VAV2: variants seen among roughly 807,000 people sequenced by gnomAD.
VAV2 encodes vav guanine nucleotide exchange factor 2.
A neutral mutation model predicts 132.5 loss-of-function variants in VAV2; 67 were observed. The observed-to-expected ratio is 0.51, with a 90% confidence interval of 0.42 to 0.62. The LOEUF (loss-of-function observed/expected upper bound fraction) is 0.62. VAV2 is among the 20% of genes least tolerant of loss of function. VAV2 has a pLI of 0.00. For synonymous variants in VAV2, 492 were observed against 443.5 expected, an observed-to-expected ratio of 1.11 and a Z score of -1.37; for missense variants, 938 against 1,153.6, an observed-to-expected ratio of 0.81 and a Z score of 2.71.
At chr9:133,795,828 C>A (rs2131634511) in intron 11 of VAV2, 92 bp from the exon 12 acceptor site, 1 of 1,432,056 alleles carries the variant, frequency 7.0e-7, no homozygotes, top group South Asian at 1.2e-5. Flanking sequence ...TGCACAGAAC[C>A]AAGTCCTCAG....
At chr9:133,890,793 T>C (rs961288736) in intron 2 of VAV2, among the ~76,000 whole-genome samples, 3 of 152,002 alleles carry the variant, frequency 2.0e-5, no homozygotes, top group Admixed American at 6.6e-5. Flanking sequence ...AGCACTTAGG[T>C]GGAAGCCGCA....
chr9:133,919,809 TGCCC>T lies in VAV2; in HGVS notation c.321+19290_321+19293del, dbSNP rs905220202. ...GACATGGAAGATGGAAGGTCCCCGCTGCCCCGACTGTCCCTGCCGCCCCGGCCAC... is the reference window on the plus strand; with the variant it reads ...GACATGGAAGATGGAAGGTCCCCGCTCGACTGTCCCTGCCGCCCCGGCCAC... On this transcript the variant is annotated intron_variant, in intron 2 of 29. Transcript: ENST00000371850. This position sits in a 1 kb window ranked among gnomAD's most constrained non-coding sequence, Gnocchi z 5.8. 2.9e-4 allele frequency among the ~76,000 whole-genome samples: 44 copies of T among 152,206 alleles called. No homozygotes were observed. The highest frequency in any genetic ancestry group is 9.9e-4 in the African/African-American group (41 of 41,546).
intron 2 of VAV2, among the ~76,000 whole-genome samples, chr9:133,894,941 A>G (rs935158823): frequency 7.9e-5 from 12 of 152,212 alleles, no homozygotes; most frequent in Admixed American, 2.0e-4. Flanking sequence ...CAGGCGGAAC[A>G]CAGAGCCCTG....
At position 133,797,921 on chromosome 9, in the gene VAV2, C is replaced by T. The variant is rs572817854; in HGVS notation, c.837-112G>A. 7 of 854,218 alleles carry T rather than the reference C, an allele frequency of 8.2e-6. No individual in the cohort carries two copies. In the East Asian group the frequency reaches 1.7e-4, roughly 21 times the overall value. 52.9% of individuals were successfully genotyped at this position (854,218 alleles called of 1,614,324 possible). On this transcript the variant is annotated intron_variant, in intron 9 of 29. Coordinates refer to ENST00000371850, the MANE Select transcript of VAV2 (RefSeq NM_001134398.2). ...GCTGTAGGTGCGCAACCAACAGGCC[C>T]CTCCCCTGACAGCTCCCTGCACGTG...
At chr9:133,951,605 C>T (rs952116041) in intron 1 of VAV2, among the ~76,000 whole-genome samples, 1 of 152,120 alleles carries the variant, frequency 6.6e-6, no homozygotes, top group African/African-American at 2.4e-5. Context: ...CCCCCGGGAC[C>T]TGCCCTTCAC....
intron 4 of VAV2, among the ~76,000 whole-genome samples, chr9:133,825,892 C>T (rs1835970196): frequency 2.0e-5 from 3 of 152,248 alleles, no homozygotes; most frequent in Admixed American, 1.3e-4. Context: ...ACACCAGAAA[C>T]TCCTTCTACA....
intron 4 of VAV2, among the ~76,000 whole-genome samples, chr9:133,827,955 G>A (rs867246379): frequency 9.5e-3 from 2 of 210 alleles, no homozygotes; most frequent in African/African-American, 0.033. Flanking sequence ...GCGCCCACTG[G>A]GGCTGACCAC....
At chr9:133,910,576 T>A (rs1223066062) in intron 2 of VAV2, among the ~76,000 whole-genome samples, 3 of 150,712 alleles carry the variant, frequency 2.0e-5, no homozygotes, top group Non-Finnish European at 4.4e-5. Flanking sequence ...TTTGGGAGGC[T>A]GAGGCCGGCG....
rs150066782 is a variant in VAV2, at chr9:133,981,444, C to T, written c.204+10631G>A. ...CAGGAAGAGAGCCACTCCCTCAGGC[C>T]GCCCGCTGCACTCTGCTCTGATGCT... On this transcript the variant is annotated intron_variant, in intron 1 of 29. Transcript: ENST00000371850. Among the ~76,000 whole-genome samples, 259 of 152,312 alleles carry T rather than the reference C, an allele frequency of 1.7e-3. 1 individual carries two copies. The highest frequency in any genetic ancestry group is 6.1e-3 in the African/African-American group (253 of 41,580).
intron 1 of VAV2, among the ~76,000 whole-genome samples, chr9:133,942,370 T>C (rs1312041436): frequency 1.3e-5 from 2 of 152,182 alleles, no homozygotes; most frequent in African/African-American, 2.4e-5. Flanking sequence ...CCACACACAA[T>C]TGATTCAGGC....
At chr9:133,967,388 C>G (rs1431742465) in intron 1 of VAV2, among the ~76,000 whole-genome samples, 1 of 152,158 alleles carries the variant, frequency 6.6e-6, no homozygotes, top group African/African-American at 2.4e-5. Flanking sequence ...CCTGATCCAG[C>G]AATCCTACCA....
chr9:133,899,687 T>G (rs61658775), intron 2 of VAV2, among the ~76,000 whole-genome samples: 35,097 of 144,788 alleles, frequency 0.24, 4,437 homozygotes, highest in African/African-American at 0.32. Context: ...TGGGATTACA[T>G]GCATGAGCCA....
At chr9:133,895,921 C>A (rs1839181323) in intron 2 of VAV2, among the ~76,000 whole-genome samples, 1 of 148,290 alleles carries the variant, frequency 6.7e-6, no homozygotes, top group Admixed American at 6.7e-5. Context: ...GGCAGCCACA[C>A]TAAAATCTTT....
At chr9:133,865,475 G>A (rs1394360104) in intron 2 of VAV2, among the ~76,000 whole-genome samples, 5 of 151,302 alleles carry the variant, frequency 3.3e-5, no homozygotes, top group Admixed American at 1.3e-4. Flanking sequence ...TTCTCCCTTC[G>A]GCTCCACCTA....
chr9:133,871,196 A>C (rs1391955957), intron 2 of VAV2, among the ~76,000 whole-genome samples: 2 of 143,614 alleles, frequency 1.4e-5, no homozygotes, highest in Admixed American at 6.9e-5. Context: ...GGATGAATGG[A>C]TGGCTGGCTG....
chr9:133,838,929 G>A (rs1296880303), intron 3 of VAV2, among the ~76,000 whole-genome samples: 4 of 123,574 alleles, frequency 3.2e-5, no homozygotes, highest in African/African-American at 1.2e-4. Flanking sequence ...ATGGGTGGGT[G>A]GATGAATGGA....
In VAV2 at chr9:133,967,918, G is replaced by A. The variant is rs548659041; in HGVS notation, c.204+24157C>T. On this transcript the variant is annotated intron_variant, in intron 1 of 29. Coordinates refer to ENST00000371850, the MANE Select transcript of VAV2 (RefSeq NM_001134398.2). Reference sequence around the variant, plus strand: ...ACTGCACTCCAGCCTGGGCAACAGAGGAAGACTCTATAACCAAAAAAAAAA... The same window carrying A: ...ACTGCACTCCAGCCTGGGCAACAGAAGAAGACTCTATAACCAAAAAAAAAA... Among the ~76,000 whole-genome samples, 2 of 118,382 alleles carry A rather than the reference G, an allele frequency of 1.7e-5. 1 individual carries two copies. Among genetic ancestry groups the A allele is most frequent in the African/African-American group, 6.4e-5 (2 of 31,270 alleles). 77.7% of individuals were successfully genotyped at this position (118,382 alleles called of 152,430 possible). A position where few individuals can be genotyped will look rare whatever the true frequency, so the allele number is the denominator to read the frequency against.
intron 2 of VAV2, among the ~76,000 whole-genome samples, chr9:133,864,561 C>T (rs184550970): frequency 6.6e-6 from 1 of 151,484 alleles, no homozygotes; most frequent in Admixed American, 6.5e-5. Flanking sequence ...AGCCTCCACA[C>T]AGCCACAGCA....
chr9:133,807,151 C>A, intron 8 of VAV2, 107 bp downstream of exon 8: 1 of 1,312,262 alleles, frequency 7.6e-7, no homozygotes, highest in East Asian at 2.6e-5. Context: ...CACCACGGAG[C>A]CACAGGGGTG....
Sources: allele counts gnomAD v4.1 joint callset (sites outside exome capture counted in the v4.1 genomes callset), GRCh38; gene constraint gnomAD v4.1.1; non-coding constraint Gnocchi (gnomAD v3.1); transcripts MANE v1.5; gene names NCBI Gene and HGNC (gene_info 2026-07-23, HGNC 2026-07-21).